Variants in TRPM3 observed in about 807,000 individuals in gnomAD.
TRPM3 encodes the protein transient receptor potential cation channel subfamily M member 3, also known as long transient receptor potential channel 3.
In TRPM3, 77 loss-of-function variants were observed where a neutral mutation model predicts 181.2. The ratio of observed to expected loss-of-function variants is 0.42; its 90% CI spans 0.35 to 0.51. The LOEUF (loss-of-function observed/expected upper bound fraction) is 0.51. Among genes scored for constraint, TRPM3 ranks in the 20% least tolerant of loss-of-function variants. The probability of loss-of-function intolerance (pLI) is 0.01; values close to 1 mark genes in which losing one functional copy is unlikely to be tolerated. For missense variants in TRPM3, 1,759 were observed against 2,196.7 expected (o/e 0.80, Z 3.98); for synonymous variants, 745 against 796.4 (o/e 0.94, Z 1.09).
At chr9:71,409,423 G>A (rs1374046874) in intron 1 of TRPM3, among the ~76,000 whole-genome samples, 1 of 152,026 alleles carries the variant, frequency 6.6e-6, no homozygotes, top group Admixed American at 6.6e-5. Context: ...GATCTACCAA[G>A]CAAATGGAAA....
chr9:71,058,542 TTGCCTTCCC>T (rs1284455213), intron 1 of TRPM3, among the ~76,000 whole-genome samples: 1 of 152,018 alleles, frequency 6.6e-6, no homozygotes, highest in African/African-American at 2.4e-5. Context: ...TCCAAAAATA[TTGCCTTCCC>T]TGCCTATCTT....
chr9:71,376,230 G>A (rs2092662447), intron 1 of TRPM3, among the ~76,000 whole-genome samples: 1 of 151,834 alleles, frequency 6.6e-6, no homozygotes, highest in Non-Finnish European at 1.5e-5. Flanking sequence ...AAATGGACTA[G>A]AAGAAATGGA....
chr9:70,796,161 C>CCTGCAAATGTTCCAGGAT (rs2086969970), intron 6 of TRPM3, among the ~76,000 whole-genome samples: 1 of 152,150 alleles, frequency 6.6e-6, no homozygotes, highest in Admixed American at 6.5e-5. Context: ...CCCATGTTCC[C>CCTGCAAATGTTCCAGGAT]CTGCAAATGT....
intron 1 of TRPM3, among the ~76,000 whole-genome samples, chr9:71,344,875 A>G (rs1259941318): frequency 2.6e-5 from 4 of 152,212 alleles, no homozygotes; most frequent in African/African-American, 9.6e-5. Flanking sequence ...TTGCAATTCA[A>G]TAACAAGAAA....
intron 5 of TRPM3, among the ~76,000 whole-genome samples, chr9:70,832,566 G>A (rs1256352069): frequency 1.3e-5 from 2 of 152,160 alleles, no homozygotes; most frequent in Admixed American, 6.5e-5. Context: ...CTGTTTAAGA[G>A]GTGAAAGGAG....
chr9:70,994,537 C>CT (rs748508015), intron 1 of TRPM3, among the ~76,000 whole-genome samples: 16 of 151,814 alleles, frequency 1.1e-4, no homozygotes, highest in Non-Finnish European at 2.9e-5. Flanking sequence ...GGAAGTTAAC[C>CT]TATGTGGTTT....
intron 9 of TRPM3, among the ~76,000 whole-genome samples, chr9:70,670,299 T>G (rs2134060256): frequency 6.6e-6 from 1 of 152,332 alleles, no homozygotes; most frequent in African/African-American, 2.4e-5. Context: ...TCCGCAGGGT[T>G]GTGAAAATTA....
intron 20 of TRPM3, among the ~76,000 whole-genome samples, chr9:70,601,121 G>A (rs893666108): frequency 6.6e-6 from 1 of 152,108 alleles, no homozygotes; most frequent in Non-Finnish European, 1.5e-5. Context: ...TTCTAGCTGT[G>A]GGATACGGGG....
intron 1 of TRPM3, among the ~76,000 whole-genome samples, chr9:70,996,020 G>A (rs1047194794): frequency 1.3e-5 from 2 of 152,104 alleles, no homozygotes; most frequent in Non-Finnish European, 2.9e-5. Context: ...TTTCCCCAGT[G>A]GACTGAGAAC....
intron 1 of TRPM3, among the ~76,000 whole-genome samples, chr9:70,988,508 T>C (rs999808105): frequency 3.3e-5 from 5 of 152,186 alleles, no homozygotes; most frequent in Admixed American, 2.6e-4. Flanking sequence ...TAGGTGAGCG[T>C]CCACTGTATA....
chr9:71,279,070 C>A (rs942833006), intron 1 of TRPM3, among the ~76,000 whole-genome samples: 477 of 98,616 alleles, frequency 4.8e-3, no homozygotes, highest in South Asian at 0.011. Context: ...AATAAAAAAA[C>A]CACCAACGAC....
At chr9:71,213,177 G>GAT (rs2079617652) in intron 1 of TRPM3, among the ~76,000 whole-genome samples, 1 of 152,052 alleles carries the variant, frequency 6.6e-6, no homozygotes, top group African/African-American at 2.4e-5. Context: ...TGCAGCCATA[G>GAT]GTAATATGTA....
At chr9:71,395,120 G>C (rs1458532137) in intron 1 of TRPM3, among the ~76,000 whole-genome samples, 2 of 152,152 alleles carry the variant, frequency 1.3e-5, no homozygotes, top group Non-Finnish European at 2.9e-5. Flanking sequence ...CACCTCTGTT[G>C]ATCATCATGA....
Position 70,758,756 on chromosome 9 carries a change from G to A in TRPM3, c.1272+2845C>T, listed in dbSNP as rs368941862. On this transcript the variant is annotated intron_variant, in intron 8 of 25. Transcript: ENST00000677713. ...AAGGATTCCCTATTTAATAAATGGTGTTGGGAAAACTGGATAGCCATATGC... is the reference window on the plus strand; with the variant it reads ...AAGGATTCCCTATTTAATAAATGGTATTGGGAAAACTGGATAGCCATATGC... Among the ~76,000 whole-genome samples, 22 of 152,328 alleles carry A rather than the reference G, an allele frequency of 1.4e-4. No individual in the cohort carries two copies. In the East Asian group the frequency reaches 3.3e-3, roughly 23 times the overall value.
chr9:70,848,226 G>T (rs554445452), intron 3 of TRPM3, among the ~76,000 whole-genome samples: 1 of 151,986 alleles, frequency 6.6e-6, no homozygotes. Flanking sequence ...TAATTAAAAT[G>T]TAATAATTAA....
intron 1 of TRPM3, among the ~76,000 whole-genome samples, chr9:70,875,245 C>T (rs1009896109): frequency 6.6e-6 from 1 of 151,842 alleles, no homozygotes; most frequent in Non-Finnish European, 1.5e-5. Context: ...AAGGTCAGCC[C>T]CAATTCCTAG....
chr9:70,792,441 T>C (rs1207954229), intron 6 of TRPM3, among the ~76,000 whole-genome samples: 1 of 148,022 alleles, frequency 6.8e-6, no homozygotes, highest in Non-Finnish European at 1.5e-5. Flanking sequence ...GGAAGTGGTA[T>C]GGGGGAGGAA....
rs897678977 is a variant in TRPM3, at chr9:70,557,308, C to T, written c.3224-3998G>A. ...CATTATCTAGTTTCTACAGCAGTAA[C>T]GGCAATATCCGTGAATTAGATGATC... is the stretch of plus-strand genomic sequence containing the variant. On this transcript the variant is annotated intron_variant, in intron 22 of 25. Coordinates refer to ENST00000677713, the MANE Select transcript of TRPM3 (RefSeq NM_001366145.2). Among the ~76,000 whole-genome samples, 10 of 152,148 alleles carry T rather than the reference C, an allele frequency of 6.6e-5. No individual in the cohort carries two copies. The East Asian group carries it at 7.7e-4, about 12-fold the overall frequency.
chr9:71,025,059 A>C (rs1244455190), intron 1 of TRPM3, among the ~76,000 whole-genome samples: 1 of 152,226 alleles, frequency 6.6e-6, no homozygotes, highest in Non-Finnish European at 1.5e-5. Flanking sequence ...TTGTAATGTG[A>C]ATCTAACACA....
Sources: gnomAD v4.1 joint callset for allele counts (sites outside exome capture counted in the v4.1 genomes callset) on GRCh38, gnomAD v4.1.1 for gene constraint, MANE v1.5 for transcripts, NCBI Gene and HGNC (gene_info 2026-07-23, HGNC 2026-07-21) for gene names.